GNB4: variants seen among roughly 807,000 people sequenced by gnomAD.
The protein encoded by GNB4 is G protein subunit beta 4.
Under a neutral mutation model 45.2 loss-of-function variants are expected in GNB4, and 28 were observed. The observed-to-expected ratio is 0.62, with a 90% CI of 0.46 to 0.85. The LOEUF (loss-of-function observed/expected upper bound fraction) is 0.85. Ranked by LOEUF, GNB4 falls within the 40% of genes least tolerant of loss-of-function variation. The probability of loss-of-function intolerance (pLI) is 0.00; values close to 1 mark genes in which losing one functional copy is unlikely to be tolerated. For missense variants in GNB4, 321 were observed against 425.4 expected (o/e 0.75, Z 2.16); for synonymous variants, 132 against 143.7 (o/e 0.92, Z 0.58).
the GNB4 span, among the ~76,000 whole-genome samples, chr3:179,518,989 C>T: frequency 6.6e-6 from 1 of 151,744 alleles, no homozygotes; most frequent in South Asian, 2.1e-4. Context: ...GTAGAGGCAG[C>T]CAAGTAGCAA....
At chr3:179,513,717 C>T in the GNB4 span, among the ~76,000 whole-genome samples, 1 of 152,056 alleles carries the variant, frequency 6.6e-6, no homozygotes, top group African/African-American at 2.4e-5. Context: ...CTCCCACCTA[C>T]CCCTTTTAAA....
At chr3:179,509,168 T>TACACACAC in the GNB4 span, among the ~76,000 whole-genome samples, 55 of 146,990 alleles carry the variant, frequency 3.7e-4, no homozygotes, top group African/African-American at 1.3e-3. Context: ...TATATATACA[T>TACACACAC]ACACACACAC....
intron 1 of GNB4, among the ~76,000 whole-genome samples, chr3:179,445,228 T>G (rs367874281): frequency 1.3e-4 from 20 of 152,322 alleles, no homozygotes; most frequent in African/African-American, 4.8e-4. Flanking sequence ...CATGACAAGC[T>G]AAAAGTAAGA....
the GNB4 span, among the ~76,000 whole-genome samples, chr3:179,474,449 C>G: frequency 1.3e-5 from 2 of 152,166 alleles, no homozygotes; most frequent in Non-Finnish European, 2.9e-5. Flanking sequence ...GTCTTGAACT[C>G]CTGCCCTTGA....
intron 1 of GNB4, among the ~76,000 whole-genome samples, chr3:179,448,485 T>TG (rs1715792964): frequency 6.6e-6 from 1 of 152,196 alleles, no homozygotes; most frequent in South Asian, 2.1e-4. Flanking sequence ...TTTTTTTTTT[T>TG]TTCTTCTGGG....
intron 1 of GNB4, among the ~76,000 whole-genome samples, chr3:179,440,783 A>G (rs1715573199): frequency 6.6e-6 from 1 of 152,186 alleles, no homozygotes; most frequent in South Asian, 2.1e-4. Context: ...AATTCATGGA[A>G]TTAAAACCTA....
chr3:179,430,270 T>C (rs976012831), intron 1 of GNB4, among the ~76,000 whole-genome samples: 2 of 151,956 alleles, frequency 1.3e-5, no homozygotes, highest in African/African-American at 4.8e-5. Flanking sequence ...TTTTCTTTTT[T>C]GGTAGAGACA....
chr3:179,464,873 C>T, the GNB4 span: 4 of 1,400,440 alleles, frequency 2.9e-6, no homozygotes, highest in Non-Finnish European at 4.1e-6. Flanking sequence ...ACCGGCTACC[C>T]CATGCGGTGT....
intron 2 of GNB4, among the ~76,000 whole-genome samples, chr3:179,422,235 T>C (rs961231755): frequency 6.6e-6 from 1 of 152,204 alleles, no homozygotes; most frequent in Non-Finnish European, 1.5e-5. Flanking sequence ...ACAAGAATTC[T>C]ACAAATATGT....
At chr3:179,496,190 TGAG>T in the GNB4 span, among the ~76,000 whole-genome samples, 7 of 152,066 alleles carry the variant, frequency 4.6e-5, no homozygotes, top group Admixed American at 4.6e-4. Flanking sequence ...AAACATAAAA[TGAG>T]GGAATAAAGA....
chr3:179,517,079 C>T, the GNB4 span, among the ~76,000 whole-genome samples: 19 of 152,158 alleles, frequency 1.2e-4, no homozygotes, highest in African/African-American at 4.1e-4. Context: ...TGTCAGGCCT[C>T]AGAGCCCAAG....
At chr3:179,411,466 CAAAA>C (rs755966921) in intron 8 of GNB4, among the ~76,000 whole-genome samples, 2 of 125,354 alleles carry the variant, frequency 1.6e-5, no homozygotes, top group Non-Finnish European at 3.4e-5. Context: ...AATGTTTTGA[CAAAA>C]AAAAAAAAAC....
chr3:179,485,000 GTTTTGTTTTTTTTTT>G, the GNB4 span, among the ~76,000 whole-genome samples: 3 of 124,216 alleles, frequency 2.4e-5, no homozygotes, highest in Non-Finnish European at 4.9e-5. Flanking sequence ...AACTTTTTTC[GTTTTGTTTTTTTTTT>G]TTTTTTTTTT....
intron 9 of GNB4, among the ~76,000 whole-genome samples, chr3:179,404,545 G>C (rs1044471567): frequency 6.6e-6 from 1 of 152,114 alleles, no homozygotes; most frequent in Non-Finnish European, 1.5e-5. Context: ...AAGGGGGCGG[G>C]GAGAGAGGAG....
the GNB4 span, among the ~76,000 whole-genome samples, chr3:179,520,518 C>T: frequency 1.2e-4 from 18 of 152,090 alleles, no homozygotes; most frequent in East Asian, 1.9e-4. Flanking sequence ...TGGCTGCCGC[C>T]GCCCTAATAC....
At chr3:179,457,904 CTTT>C in the GNB4 span, among the ~76,000 whole-genome samples, 9 of 137,920 alleles carry the variant, frequency 6.5e-5, no homozygotes, top group African/African-American at 5.4e-5. Context: ...CATTTTAGTT[CTTT>C]TTTTTTTTTT....
chr3:179,449,378 A>T (rs897271009), intron 1 of GNB4, among the ~76,000 whole-genome samples: 1 of 152,216 alleles, frequency 6.6e-6, no homozygotes, highest in African/African-American at 2.4e-5. Context: ...GTATAAAAAC[A>T]TGGGACAGAC....
Position 179,405,474 on chromosome 3 carries a change from T to C in GNB4, c.700-68A>G, listed in dbSNP as rs1189892472. ...ACAATCATAGGAGGCAATGTAATAA[T>C]AGACAAATCTAGATTAATATTCCAA... On this transcript the variant is annotated intron_variant, in intron 8 of 9. Transcript: ENST00000232564. 6.4e-5 allele frequency: 68 copies of C among 1,058,528 alleles called. No individual in the cohort carries two copies. In the East Asian group the frequency reaches 7.8e-4, roughly 12 times the overall value. 65.6% of individuals were successfully genotyped at this position (1,058,528 alleles called of 1,614,324 possible).
chr3:179,476,545 T>C, the GNB4 span, among the ~76,000 whole-genome samples: 2 of 152,232 alleles, frequency 1.3e-5, no homozygotes, highest in Non-Finnish European at 2.9e-5. Flanking sequence ...GGGGACCCTC[T>C]TGTAACTCTA....
Sources: allele counts gnomAD v4.1 joint callset (sites outside exome capture counted in the v4.1 genomes callset), GRCh38; gene constraint gnomAD v4.1.1; transcripts MANE v1.5; gene names NCBI Gene and HGNC (gene_info 2026-07-23, HGNC 2026-07-21).